Variants in DISP1 observed in about 807,000 individuals in gnomAD.
The protein encoded by DISP1 is dispatched RND transporter family member 1.
DISP1 carries 30 observed loss-of-function variants against 37.3 expected under a neutral mutation model. That is an observed-to-expected ratio of 0.80 (90% CI 0.60 to 1.09). The LOEUF (loss-of-function observed/expected upper bound fraction) is 1.09. Ranked by LOEUF, DISP1 falls within the 50% of genes least tolerant of loss-of-function variation. The probability of loss-of-function intolerance (pLI) is 0.00; values close to 1 mark genes in which losing one functional copy is unlikely to be tolerated. For missense variants in DISP1, 1,598 were observed against 1,879.5 expected (o/e 0.85, Z 2.77); for synonymous variants, 634 against 690.2 (o/e 0.92, Z 1.28).
At chr1:222,950,234 C>T (rs1475791897) in intron 3 of DISP1, among the ~76,000 whole-genome samples, 2 of 151,882 alleles carry the variant, frequency 1.3e-5, no homozygotes, top group Admixed American at 1.3e-4. Flanking sequence ...CTCGAGGAGG[C>T]AAAACATGGA....
chr1:222,963,041 A>G (rs34988545), intron 3 of DISP1, among the ~76,000 whole-genome samples: 148,901 of 152,284 alleles, frequency 0.98, 72,877 homozygotes, highest in East Asian at 1. Flanking sequence ...CTGACAAAGG[A>G]CTAATATCCA....
intron 1 of DISP1, among the ~76,000 whole-genome samples, chr1:222,856,776 C>A (rs941244042): frequency 1.4e-5 from 2 of 146,154 alleles, no homozygotes; most frequent in Admixed American, 1.4e-4. Context: ...TCAATCTTGG[C>A]TCACTGCAAC....
intron 3 of DISP1, among the ~76,000 whole-genome samples, chr1:222,961,561 A>G (rs558497707): frequency 5.1e-4 from 77 of 152,324 alleles, no homozygotes; most frequent in African/African-American, 1.7e-3. Flanking sequence ...CCAGCACAAG[A>G]CAAGGATGCG....
At chr1:222,831,558 A>T (rs17163514) in intron 1 of DISP1, among the ~76,000 whole-genome samples, 9,833 of 152,250 alleles carry the variant, frequency 0.065, 523 homozygotes, top group East Asian at 0.26. Flanking sequence ...GTTTTTTGTC[A>T]TTACTTTTAA....
At chr1:222,862,032 A>C (rs1293097945) in intron 1 of DISP1, among the ~76,000 whole-genome samples, 12 of 152,122 alleles carry the variant, frequency 7.9e-5, no homozygotes, top group Non-Finnish European at 1.8e-4. Flanking sequence ...AGGCTGAGCA[A>C]CCCTTTTAAG....
At chr1:222,821,646 T>A (rs886107775) in intron 1 of DISP1, among the ~76,000 whole-genome samples, 1 of 151,790 alleles carries the variant, frequency 6.6e-6, no homozygotes, top group East Asian at 1.9e-4. Flanking sequence ...GAGGCTGAGG[T>A]GGGTGGATCA....
intron 2 of DISP1, among the ~76,000 whole-genome samples, chr1:222,936,718 C>G (rs1281736841): frequency 1.2e-3 from 111 of 94,684 alleles, no homozygotes; most frequent in East Asian, 2.2e-3. Flanking sequence ...TATTATATAT[C>G]ATATATATGA....
At chr1:222,841,580 C>A (rs1325537458) in intron 1 of DISP1, among the ~76,000 whole-genome samples, 3 of 152,160 alleles carry the variant, frequency 2.0e-5, no homozygotes, top group African/African-American at 7.2e-5. Context: ...TTATTTCCAT[C>A]TCCAGAAGAC....
intron 3 of DISP1, among the ~76,000 whole-genome samples, chr1:222,954,774 C>G (rs1456831384): frequency 6.6e-6 from 1 of 151,944 alleles, no homozygotes; most frequent in Non-Finnish European, 1.5e-5. Flanking sequence ...CACTTGAGGC[C>G]GAGGCAGGAG....
chr1:222,872,934 C>G (rs1424759422), intron 1 of DISP1, among the ~76,000 whole-genome samples: 1 of 152,194 alleles, frequency 6.6e-6, no homozygotes, highest in East Asian at 1.9e-4. Flanking sequence ...TCCCTCTACA[C>G]ACTGCTTTGA....
At chr1:222,941,919 T>C (rs1280375886) in intron 2 of DISP1, among the ~76,000 whole-genome samples, 2 of 151,918 alleles carry the variant, frequency 1.3e-5, no homozygotes, top group Admixed American at 1.3e-4. Context: ...ATGACCCTTT[T>C]TTTTTTTTTT....
At chr1:222,961,761 A>G (rs1281190760) in intron 3 of DISP1, among the ~76,000 whole-genome samples, 1 of 152,182 alleles carries the variant, frequency 6.6e-6, no homozygotes, top group Non-Finnish European at 1.5e-5. Context: ...TAATCCCAAC[A>G]CTTTGGGAGG....
In DISP1 at chr1:222,939,292, C is replaced by T. The variant is rs548043334; in HGVS notation, c.-17-3515C>T. 7.4e-5 allele frequency among the ~76,000 whole-genome samples: 11 copies of T among 148,298 alleles called. No homozygotes were observed. The South Asian group carries it at 1.1e-3, about 14-fold the overall frequency. Reference sequence around the variant, plus strand: ...ATTTAACTCTTGTGTAACTACAAAACGATACATTTGTAATAAATTTAAAAG... The same window carrying T: ...ATTTAACTCTTGTGTAACTACAAAATGATACATTTGTAATAAATTTAAAAG... On this transcript the variant is annotated intron_variant, in intron 2 of 8. Transcript: ENST00000675850.
intron 1 of DISP1, among the ~76,000 whole-genome samples, chr1:222,900,080 A>G (rs1671496804): frequency 6.6e-6 from 1 of 152,250 alleles, no homozygotes; most frequent in Non-Finnish European, 1.5e-5. Flanking sequence ...GTAAGATTAA[A>G]ACAAGTAAAA....
intron 3 of DISP1, among the ~76,000 whole-genome samples, chr1:222,956,904 A>T (rs568207921): frequency 6.6e-6 from 1 of 152,292 alleles, no homozygotes; most frequent in East Asian, 1.9e-4. Flanking sequence ...TCACAGCAAC[A>T]GTCTGGCATG....
At chr1:222,847,824 A>G (rs1215348958) in intron 1 of DISP1, among the ~76,000 whole-genome samples, 1 of 152,214 alleles carries the variant, frequency 6.6e-6, no homozygotes, top group East Asian at 1.9e-4. Context: ...ATGGTTAAAA[A>G]TAATAGAAGA....
chr1:222,954,954 T>C (rs199515571), intron 3 of DISP1, among the ~76,000 whole-genome samples: 2 of 147,124 alleles, frequency 1.4e-5, no homozygotes, highest in African/African-American at 5.0e-5. Context: ...GGTGGTGGGG[T>C]GGGGTGTGGG....
At chr1:222,984,672 T>C (rs913067638) in intron 4 of DISP1, among the ~76,000 whole-genome samples, 40 of 151,974 alleles carry the variant, frequency 2.6e-4, no homozygotes, top group Non-Finnish European at 4.7e-4. Context: ...TTTTTAAGAG[T>C]ACAGTTCATT....
At chr1:222,908,167 T>TA (rs941429758) in intron 1 of DISP1, among the ~76,000 whole-genome samples, 9 of 152,144 alleles carry the variant, frequency 5.9e-5, no homozygotes, top group Admixed American at 5.2e-4. Flanking sequence ...GTATAGTAGG[T>TA]AAAAAACTGG....
Sources: allele counts gnomAD v4.1 joint callset (sites outside exome capture counted in the v4.1 genomes callset), GRCh38; gene constraint gnomAD v4.1.1; transcripts MANE v1.5; gene names NCBI Gene and HGNC (gene_info 2026-07-23, HGNC 2026-07-21).